KMT2C: variants seen among roughly 807,000 people sequenced by gnomAD.
The protein encoded by KMT2C is lysine methyltransferase 2C.
In KMT2C, 88 loss-of-function variants were observed where a neutral mutation model predicts 507.9. The observed-to-expected ratio is 0.17, with a 90% confidence interval of 0.15 to 0.21. The LOEUF is 0.21. Ranked by LOEUF, KMT2C falls within the 10% of genes least tolerant of loss-of-function variation. The pLI, the probability that KMT2C is intolerant of heterozygous loss-of-function variation, is 1.00. For synonymous variants in KMT2C, 2,049 were observed against 2,080.8 expected, an observed-to-expected ratio of 0.98 and a Z score of 0.42; for missense variants, 4,954 against 5,957.8, an observed-to-expected ratio of 0.83 and a Z score of 5.55.
At chr7:152,367,899 C>A in intron 1 of KMT2C, 2 of 1,046,332 alleles carry the variant, frequency 1.9e-6, no homozygotes, top group Non-Finnish European at 3.0e-6. Flanking sequence ...GAAGCGTTCG[C>A]ATGAAAAAGT....
At chr7:152,145,927 T>C (rs906093080) in intron 53 of KMT2C, among the ~76,000 whole-genome samples, 2 of 152,216 alleles carry the variant, frequency 1.3e-5, no homozygotes, top group African/African-American at 2.4e-5. Context: ...AAGATAAGTA[T>C]CATTTAGGCA....
intron 1 of KMT2C, among the ~76,000 whole-genome samples, chr7:152,373,729 T>C (rs962129572): frequency 2.0e-5 from 3 of 152,114 alleles, no homozygotes; most frequent in Non-Finnish European, 4.4e-5. Context: ...CAATAACTTT[T>C]CTATACAGCA....
chr7:152,365,307 G>A lies in KMT2C; in HGVS notation c.162-6632C>T, dbSNP rs181494717. 6.1e-3 allele frequency among the ~76,000 whole-genome samples: 932 copies of A among 152,250 alleles called. 13 individuals are homozygous for A. The highest frequency in any genetic ancestry group is 0.021 in the African/African-American group (878 of 41,534). On this transcript the variant is annotated intron_variant, in intron 1 of 58. Coordinates refer to ENST00000262189, the MANE Select transcript of KMT2C (RefSeq NM_170606.3). ...AGGCGGATCACCTGAGGTCGAGTTC[G>A]AGACCAGCCTGGCCAAGATGGTGAA...
intron 3 of KMT2C, among the ~76,000 whole-genome samples, chr7:152,322,240 G>T (rs1486910622): frequency 6.6e-6 from 1 of 151,800 alleles, no homozygotes; most frequent in African/African-American, 2.4e-5. Context: ...GTGAACACCT[G>T]TAGTCCCAGG....
chr7:152,340,084 A>C (rs1032954774), intron 2 of KMT2C, among the ~76,000 whole-genome samples: 1 of 151,924 alleles, frequency 6.6e-6, no homozygotes, highest in African/African-American at 2.4e-5. Context: ...CCTGGGCTGA[A>C]GGTATCCTCC....
intron 18 of KMT2C, 129 bp from the exon 19 acceptor site, chr7:152,224,745 C>T: frequency 1.5e-6 from 1 of 688,910 alleles, no homozygotes; most frequent in South Asian, 2.2e-5. Context: ...ATTTATTGAG[C>T]ACCTACGGAG....
chr7:152,155,209 A>C (rs1482503668), intron 46 of KMT2C, among the ~76,000 whole-genome samples: 1 of 152,170 alleles, frequency 6.6e-6, no homozygotes, highest in Non-Finnish European at 1.5e-5. Flanking sequence ...GAGGACCTGG[A>C]TCCTCAATTG....
At chr7:152,169,852 T>TA (rs1308057783) in intron 40 of KMT2C, among the ~76,000 whole-genome samples, 11 of 151,772 alleles carry the variant, frequency 7.2e-5, no homozygotes, top group Admixed American at 7.2e-4. Context: ...CCCAAAAAAA[T>TA]AAAAAAAATA....
intron 25 of KMT2C, 32 bp from the exon 26 acceptor site, chr7:152,203,096 A>G (rs2094194976): frequency 6.5e-7 from 1 of 1,549,632 alleles, no homozygotes; most frequent in African/African-American, 1.4e-5. Flanking sequence ...TAAATATGTG[A>G]CATTTAAAAT....
intron 5 of KMT2C, among the ~76,000 whole-genome samples, chr7:152,311,188 A>G (rs2096668593): frequency 2.0e-5 from 3 of 152,218 alleles, no homozygotes; most frequent in Admixed American, 2.0e-4. Context: ...GAGGTGATAT[A>G]CAAAGGAAAT....
At chr7:152,190,020 T>C (rs900180543) in intron 31 of KMT2C, among the ~76,000 whole-genome samples, 2 of 152,122 alleles carry the variant, frequency 1.3e-5, no homozygotes, top group East Asian at 1.9e-4. Flanking sequence ...TAGATTCTCA[T>C]AGAAGCGCAA....
chr7:152,375,654 G>C lies in KMT2C; in HGVS notation c.162-16979C>G, dbSNP rs971916259. Among the ~76,000 whole-genome samples, 10 of 152,202 alleles carry C rather than the reference G, an allele frequency of 6.6e-5. No individual in the cohort carries two copies. In the East Asian group the frequency reaches 1.9e-3, roughly 29 times the overall value. On this transcript the variant is annotated intron_variant, in intron 1 of 58. Transcript: ENST00000262189. ...ACCCGCCTCAGCCTCCCAAGTGCTG[G>C]GATTACAGGTGTGAGCCATAGTACC...
At chr7:152,281,788 T>A (rs544553729) in intron 6 of KMT2C, among the ~76,000 whole-genome samples, 1 of 152,026 alleles carries the variant, frequency 6.6e-6, no homozygotes, top group East Asian at 1.9e-4. Flanking sequence ...CCACCACCAT[T>A]TCAGGTAGAT....
chr7:152,262,888 T>C, intron 9 of KMT2C, 128 bp downstream of exon 9: 1 of 639,350 alleles, frequency 1.6e-6, no homozygotes. Flanking sequence ...ATGTCAGTTA[T>C]ATGTCAATAA....
rs749087296 is a variant in KMT2C, at chr7:152,435,713, G to C, written c.74C>G (p.Pro25Arg). Residue 25 changes from proline to arginine, a missense_variant, in exon 1 of 59, where the codon CCG (proline) becomes CGG (arginine). Coordinates refer to ENST00000262189, the MANE Select transcript of KMT2C (RefSeq NM_170606.3). The part of the protein sequence containing the change: ...PPPPPEEPGA[P>R]APSPAAADKR... ...GTCTGCGGCTGCGGGGCTCGGGGCC[G>C]GGGCTCCAGGCTCCTCGGGGGGTGG... 6.5e-6 allele frequency: 10 copies of C among 1,534,284 alleles called. No individual in the cohort carries two copies. The African/African-American group carries it at 1.1e-4, about 17-fold the overall frequency.
intron 1 of KMT2C, chr7:152,367,374 A>AC (rs1261420570): frequency 2.4e-5 from 17 of 714,678 alleles, no homozygotes; most frequent in Admixed American, 2.2e-4. Context: ...TACCAGGGGC[A>AC]CCCCCGGCTG....
intron 18 of KMT2C, among the ~76,000 whole-genome samples, chr7:152,226,219 CTTTTTTTTTTTTT>C (rs869076803): frequency 2.8e-4 from 27 of 94,948 alleles, no homozygotes; most frequent in Admixed American, 1.9e-3. Flanking sequence ...ATTACAAGGC[CTTTTTTTTTTTTT>C]TTTTTTTTTT....
chr7:152,159,875 C>T (rs1177598216), intron 43 of KMT2C, among the ~76,000 whole-genome samples: 3 of 152,170 alleles, frequency 2.0e-5, no homozygotes, highest in Admixed American at 2.0e-4. Context: ...ATGAATTCTG[C>T]ATTGAATCTC....
intron 2 of KMT2C, among the ~76,000 whole-genome samples, chr7:152,349,667 G>A (rs1402550317): frequency 1.3e-5 from 2 of 151,852 alleles, no homozygotes; most frequent in African/African-American, 4.8e-5. Flanking sequence ...ATTAATAGGT[G>A]GAACACCTAT....
Sources: gnomAD v4.1 joint callset for allele counts (sites outside exome capture counted in the v4.1 genomes callset) on GRCh38, gnomAD v4.1.1 for gene constraint, MANE v1.5 for transcripts, NCBI Gene and HGNC (gene_info 2026-07-23, HGNC 2026-07-21) for gene names.